CATSPERB: variants seen among roughly 807,000 people sequenced by gnomAD.
The protein encoded by CATSPERB is catsper channel auxiliary subunit beta.
In CATSPERB, 93 loss-of-function variants were observed where a neutral mutation model predicts 128.3. That is an observed-to-expected ratio of 0.72 (90% CI 0.61 to 0.86). CATSPERB has a LOEUF of 0.86. CATSPERB is among the 40% of genes least tolerant of loss of function. CATSPERB has a pLI of 0.00. For missense variants in CATSPERB, 1,153 were observed against 1,329.5 expected, an observed-to-expected ratio of 0.87 and a Z score of 2.06; for synonymous variants, 381 against 448.8, an observed-to-expected ratio of 0.85 and a Z score of 1.91.
chr14:91,684,837 G>A (rs6575210), intron 10 of CATSPERB, among the ~76,000 whole-genome samples: 4,563 of 151,838 alleles, frequency 0.03, 97 homozygotes, highest in South Asian at 0.063. Context: ...GGCTGGTCTC[G>A]AACTCCTGAC....
intron 15 of CATSPERB, among the ~76,000 whole-genome samples, chr14:91,644,373 G>T (rs1026859529): frequency 1.4e-5 from 2 of 147,376 alleles, no homozygotes; most frequent in African/African-American, 2.5e-5. Context: ...CATGTTTAGC[G>T]CTTCCTTCAG....
intron 5 of CATSPERB, among the ~76,000 whole-genome samples, chr14:91,715,856 A>T (rs1374987630): frequency 6.6e-6 from 1 of 152,216 alleles, no homozygotes; most frequent in East Asian, 1.9e-4. Flanking sequence ...AAGTTTTCAC[A>T]ATGGTACTGG....
chr14:91,632,768 A>AC (rs558271693), intron 17 of CATSPERB, among the ~76,000 whole-genome samples: 278 of 152,144 alleles, frequency 1.8e-3, no homozygotes, highest in Non-Finnish European at 3.0e-3. Context: ...CATTCAGAAC[A>AC]CCCCAAAATA....
intron 20 of CATSPERB, among the ~76,000 whole-genome samples, chr14:91,616,937 T>C (rs1318170758): frequency 6.6e-6 from 1 of 151,796 alleles, no homozygotes; most frequent in African/African-American, 2.4e-5. Flanking sequence ...AGAGACGGGG[T>C]TTCTCCATGT....
chr14:91,583,157 G>T (rs1248026527), intron 26 of CATSPERB, among the ~76,000 whole-genome samples: 3 of 152,244 alleles, frequency 2.0e-5, no homozygotes, highest in Non-Finnish European at 4.4e-5. Flanking sequence ...GGTGGCTCAT[G>T]CCTGTAATCC....
chr14:91,681,844 A>G (rs1259700507), intron 11 of CATSPERB, among the ~76,000 whole-genome samples: 1 of 152,232 alleles, frequency 6.6e-6, no homozygotes, highest in African/African-American at 2.4e-5. Flanking sequence ...CATCACACTC[A>G]GGTGAAGGCT....
chr14:91,601,667 T>G (rs1893609905), intron 22 of CATSPERB, among the ~76,000 whole-genome samples: 1 of 151,708 alleles, frequency 6.6e-6, no homozygotes, highest in African/African-American at 2.4e-5. Context: ...AAAAATAAAT[T>G]TTTTTTGGTA....
At chr14:91,651,782 A>G (rs1894707948) in intron 15 of CATSPERB, among the ~76,000 whole-genome samples, 1 of 152,202 alleles carries the variant, frequency 6.6e-6, no homozygotes, top group Non-Finnish European at 1.5e-5. Context: ...TAATTTTTAC[A>G]AAGATTGTGG....
At chr14:91,679,922 G>T (rs571407308) in intron 11 of CATSPERB, among the ~76,000 whole-genome samples, 1 of 152,212 alleles carries the variant, frequency 6.6e-6, no homozygotes, top group African/African-American at 2.4e-5. Context: ...ACAGGGCTTT[G>T]ACTCCTAGAT....
intron 26 of CATSPERB, among the ~76,000 whole-genome samples, chr14:91,586,549 GAGAGAGAGAGAGAGAGAGAGAA>G (rs1893301219): frequency 3.4e-5 from 4 of 118,098 alleles, no homozygotes. Context: ...CGGAACAGGA[GAGAGAGAGAGAGAGAGAGAGAA>G]AGAGAGAGAG....
intron 10 of CATSPERB, among the ~76,000 whole-genome samples, chr14:91,687,950 C>CAAAA (rs11404420): frequency 6.0e-5 from 7 of 117,118 alleles, no homozygotes; most frequent in African/African-American, 1.9e-4. Context: ...GAGAGTGTCT[C>CAAAA]AAAAAAAAAA....
chr14:91,610,420 T>C (rs2139776800), intron 21 of CATSPERB, 60 bp downstream of exon 21: 1 of 1,394,684 alleles, frequency 7.2e-7, no homozygotes. Flanking sequence ...GGGTAGGCAA[T>C]CACACAAAAG....
At chr14:91,651,094 A>C (rs994243771) in intron 15 of CATSPERB, among the ~76,000 whole-genome samples, 3 of 152,168 alleles carry the variant, frequency 2.0e-5, no homozygotes, top group Non-Finnish European at 4.4e-5. Context: ...TGTTTGGTGC[A>C]ATGGAAGACT....
At chr14:91,697,974 G>C (rs903186669) in intron 7 of CATSPERB, among the ~76,000 whole-genome samples, 1 of 152,148 alleles carries the variant, frequency 6.6e-6, no homozygotes, top group South Asian at 2.1e-4. Context: ...GGGCAGTATG[G>C]CCATTTAGAT....
At chr14:91,594,809 C>T (rs536504446) in intron 22 of CATSPERB, among the ~76,000 whole-genome samples, 2 of 152,014 alleles carry the variant, frequency 1.3e-5, no homozygotes, top group African/African-American at 4.8e-5. Flanking sequence ...CTCTGAAGTC[C>T]ATATATTAGT....
chr14:91,608,336 A>T lies in CATSPERB; in HGVS notation c.2667T>A (p.Asp889Glu). ...TGTTTCTTGGTATGGGTTTGCTAGGATCTGCATGATAAAAATTATCTGTGA... is the reference window on the plus strand; with the variant it reads ...TGTTTCTTGGTATGGGTTTGCTAGGTTCTGCATGATAAAAATTATCTGTGA... The part of the protein sequence containing the change: ...IPLTDNFYHA[D>E]PSKPIPRNMF... The change falls in exon 22 of 27, where the codon GAT becomes GAA. Residue 889 changes from aspartate to glutamate, a missense_variant. Transcript: ENST00000256343. 6.2e-6 allele frequency: 10 copies of T among 1,612,934 alleles called. No individual in the cohort carries two copies. The highest frequency in any genetic ancestry group is 8.5e-6 in the Non-Finnish European group (10 of 1,179,072).
intron 10 of CATSPERB, 82 bp from the exon 11 acceptor site, chr14:91,684,025 T>G: frequency 2.1e-6 from 2 of 961,350 alleles, no homozygotes; most frequent in Non-Finnish European, 3.0e-6. Flanking sequence ...AACTAAAAAA[T>G]TTCAAAGTTT....
chr14:91,616,733 CTTTTTT>C (rs1555360386), intron 20 of CATSPERB, among the ~76,000 whole-genome samples: 4 of 84,482 alleles, frequency 4.7e-5, no homozygotes, highest in Non-Finnish European at 6.7e-5. Flanking sequence ...AAGTATTCCC[CTTTTTT>C]TTTTTTTTTT....
intron 15 of CATSPERB, among the ~76,000 whole-genome samples, chr14:91,658,946 T>C (rs1179498757): frequency 1.3e-5 from 2 of 151,796 alleles, no homozygotes; most frequent in Non-Finnish European, 2.9e-5. Flanking sequence ...ATCATGTCCC[T>C]TTATCACTCT....
Sources: gnomAD v4.1 joint callset for allele counts (sites outside exome capture counted in the v4.1 genomes callset) on GRCh38, gnomAD v4.1.1 for gene constraint, MANE v1.5 for transcripts, NCBI Gene and HGNC (gene_info 2026-07-23, HGNC 2026-07-21) for gene names.